VDAC2: variants seen among roughly 807,000 people sequenced by gnomAD.
VDAC2 encodes the protein non-selective voltage-gated ion channel VDAC2.
Under a neutral mutation model 36.6 loss-of-function variants are expected in VDAC2, and 6 were observed. The ratio of observed to expected loss-of-function variants is 0.16; its 90% CI spans 0.09 to 0.32. The LOEUF (loss-of-function observed/expected upper bound fraction) is 0.32. Ranked by LOEUF, VDAC2 falls within the 10% of genes least tolerant of loss-of-function variation. VDAC2 has a pLI of 1.00. For missense variants in VDAC2, 247 were observed against 346.0 expected (o/e 0.71, Z 2.27); for synonymous variants, 109 against 123.8 (o/e 0.88, Z 0.79).
In VDAC2 at chr10:75,211,105, G is replaced by C. The variant is rs1841401960; in HGVS notation, c.-25-29G>C. On this transcript the variant is annotated intron_variant, in intron 1 of 9. Coordinates refer to ENST00000332211, the MANE Select transcript of VDAC2 (RefSeq NM_001391963.1). The stretch of plus-strand genomic sequence containing the variant: ...ATCTCCCTTTGGCCCTTTGACCCCA[G>C]CTTACCGCACTTCTTGTCCCTCCCG... 2.5e-6 allele frequency: 4 copies of C among 1,589,556 alleles called. No individual in the cohort carries two copies. In the South Asian group the frequency reaches 4.5e-5, roughly 18 times the overall value.
At chr10:75,219,449 T>A in intron 6 of VDAC2, 93 bp downstream of exon 6, 1 of 1,067,958 alleles carries the variant, frequency 9.4e-7, no homozygotes, top group Non-Finnish European at 1.4e-6. Context: ...GATAGCTTAT[T>A]AAGCTACCTT....
chr10:75,210,999 G>A, intron 1 of VDAC2, 61 bp downstream of exon 1: 1 of 800,212 alleles, frequency 1.2e-6, no homozygotes, highest in Non-Finnish European at 1.8e-6. Flanking sequence ...CAAGCCGGAG[G>A]CCCGCGCCGG....
rs1438994520 is a variant in VDAC2 at position 75,231,048 on chromosome 10, C to T, written c.*59C>T. ...AGAAGATTTGGCCTTAATATATTTC[C>T]ATTGTGACCAGCAGCAGGCTTTTTT... On this transcript the variant is annotated 3_prime_UTR_variant, in exon 10 of 10. Coordinates refer to ENST00000332211, the MANE Select transcript of VDAC2 (RefSeq NM_001391963.1). 2.3e-6 allele frequency: 3 copies of T among 1,288,472 alleles called. No individual in the cohort carries two copies. Among genetic ancestry groups the T allele is most frequent in the Non-Finnish European group, 3.3e-6 (3 of 909,790 alleles). The allele number at this position is 1,288,472 out of a possible 1,614,324, so 79.8% of individuals were successfully genotyped here.
At chr10:75,215,662 T>A in intron 4 of VDAC2, among the ~76,000 whole-genome samples, 1 of 150,656 alleles carries the variant, frequency 6.6e-6, no homozygotes, top group Non-Finnish European at 1.5e-5. Flanking sequence ...TATATAGACA[T>A]TTTTGATGTA....
chr10:75,220,255 G>A (rs1281775666), intron 6 of VDAC2, among the ~76,000 whole-genome samples: 1 of 152,142 alleles, frequency 6.6e-6, no homozygotes, highest in Non-Finnish European at 1.5e-5. Flanking sequence ...ACAGGCATAT[G>A]CCACCGTGCC....
At chr10:75,217,955 G>A (rs1346563721) in intron 4 of VDAC2, 4 of 1,288,506 alleles carry the variant, frequency 3.1e-6, no homozygotes, top group East Asian at 5.6e-5. Context: ...GGCTTGGCGT[G>A]GTGATGCTTG....
chr10:75,213,935 T>C (rs1349625855), intron 3 of VDAC2, 86 bp from the exon 4 acceptor site: 66 of 1,315,224 alleles, frequency 5.0e-5, no homozygotes, highest in Non-Finnish European at 6.7e-5. Flanking sequence ...GTGGAATCTT[T>C]TTGTTTTTTA....
At chr10:75,215,704 T>C (rs1156318597) in intron 4 of VDAC2, among the ~76,000 whole-genome samples, 1 of 150,238 alleles carries the variant, frequency 6.7e-6, no homozygotes, top group Non-Finnish European at 1.5e-5. Context: ...TTAATCGTAT[T>C]GTAGTTTTTT....
chr10:75,227,117 C>G (rs1841976408), intron 8 of VDAC2, among the ~76,000 whole-genome samples: 1 of 152,148 alleles, frequency 6.6e-6, no homozygotes, highest in Non-Finnish European at 1.5e-5. Context: ...CAAGACCTCA[C>G]CTATAAAGGA....
In VDAC2 at chr10:75,220,283, A is replaced by G. The variant is rs189217992; in HGVS notation, c.357-460A>G. Reference sequence around the variant, plus strand: ...ACCGTGCCTGGCTAAATTTTTTTGTATTTTTAGTAGAGACGGGATTTCACC... The same window carrying G: ...ACCGTGCCTGGCTAAATTTTTTTGTGTTTTTAGTAGAGACGGGATTTCACC... On this transcript the variant is annotated intron_variant, in intron 6 of 9. Coordinates refer to ENST00000332211, the MANE Select transcript of VDAC2 (RefSeq NM_001391963.1). Among the ~76,000 whole-genome samples, 70 of 151,280 alleles carry G rather than the reference A, an allele frequency of 4.6e-4. 1 individual carries two copies. The highest frequency in any genetic ancestry group is 1.7e-3 in the African/African-American group (68 of 41,168).
intron 3 of VDAC2, among the ~76,000 whole-genome samples, chr10:75,213,780 A>T (rs1215265644): frequency 6.6e-6 from 1 of 152,204 alleles, no homozygotes; most frequent in African/African-American, 2.4e-5. Flanking sequence ...ATTTGAAAGC[A>T]TTCTTTTGTG....
chr10:75,217,662 C>T (rs931422810), intron 4 of VDAC2, among the ~76,000 whole-genome samples: 1 of 152,032 alleles, frequency 6.6e-6, no homozygotes, highest in African/African-American at 2.4e-5. Flanking sequence ...ACAGGTGTGA[C>T]CCACCACACC....
intron 4 of VDAC2, among the ~76,000 whole-genome samples, chr10:75,214,299 A>G (rs1375463164): frequency 6.6e-6 from 1 of 152,250 alleles, no homozygotes; most frequent in Admixed American, 6.5e-5. Flanking sequence ...AGGAAAGACC[A>G]GTCAGGTGGT....
chr10:75,213,886 A>G, intron 3 of VDAC2, 135 bp from the exon 4 acceptor site: 2 of 783,514 alleles, frequency 2.6e-6, no homozygotes, highest in South Asian at 3.7e-5. Flanking sequence ...TTTCATTTAA[A>G]TATTGTATAT....
intron 6 of VDAC2, 148 bp downstream of exon 6, chr10:75,219,504 A>G (rs1015491323): frequency 4.3e-6 from 3 of 702,152 alleles, no homozygotes; most frequent in African/African-American, 3.6e-5. Flanking sequence ...TTTATTTGAG[A>G]TGGAGTCTTT....
intron 4 of VDAC2, among the ~76,000 whole-genome samples, chr10:75,214,342 C>T (rs1043892861): frequency 1.3e-5 from 2 of 152,234 alleles, no homozygotes; most frequent in Admixed American, 6.5e-5. Context: ...CATTTGAAGG[C>T]AGGGAACCCA....
rs1250147058 is a variant in VDAC2 at position 75,214,080 on chromosome 10, A to C, written c.150+10A>C. 1 of 1,612,352 alleles carries C rather than the reference A, an allele frequency of 6.2e-7. No individual in the cohort carries two copies. Among genetic ancestry groups the C allele is most frequent in the African/African-American group, 1.3e-5 (1 of 74,898 alleles). ...GTCTTGCAGTGGCGTGGTGAGTGTT[A>C]CTGTTGAATAAGTTCTATTGAACCT... On this transcript the variant is annotated intron_variant, in intron 4 of 9. Coordinates refer to ENST00000332211, the MANE Select transcript of VDAC2 (RefSeq NM_001391963.1).
intron 8 of VDAC2, among the ~76,000 whole-genome samples, chr10:75,226,451 GTTTTTTT>G (rs147954706): frequency 4.0e-5 from 4 of 100,902 alleles, no homozygotes; most frequent in African/African-American, 7.9e-5. Context: ...TCTTTTGTGG[GTTTTTTT>G]TTTTTTTTTT....
intron 8 of VDAC2, among the ~76,000 whole-genome samples, chr10:75,223,512 T>C (rs1165342995): frequency 2.0e-5 from 3 of 152,140 alleles, no homozygotes. Flanking sequence ...TACCTAGCCT[T>C]TCCCACTTCA....
Sources: allele counts gnomAD v4.1 joint callset (sites outside exome capture counted in the v4.1 genomes callset), GRCh38; gene constraint gnomAD v4.1.1; transcripts MANE v1.5; gene names NCBI Gene and HGNC (gene_info 2026-07-23, HGNC 2026-07-21).